IKZF1: variants seen among roughly 807,000 people sequenced by gnomAD.
IKZF1 encodes DNA-binding protein Ikaros.
IKZF1 carries 10 observed loss-of-function variants against 51.7 expected under a neutral mutation model. The ratio of observed to expected loss-of-function variants is 0.19; its 90% confidence interval spans 0.12 to 0.33. The LOEUF is 0.33. IKZF1 is among the 10% of genes least tolerant of loss of function. The pLI, the probability that IKZF1 is intolerant of heterozygous loss-of-function variation, is 1.00. For missense variants in IKZF1, 484 were observed against 707.5 expected (o/e 0.68, Z 3.58); for synonymous variants, 280 against 282.3 (o/e 0.99, Z 0.08).
chr7:50,394,831 C>A (rs1585004774), intron 7 of IKZF1, among the ~76,000 whole-genome samples: 1 of 152,186 alleles, frequency 6.6e-6, no homozygotes, highest in African/African-American at 2.4e-5. Context: ...CATTAAAGAT[C>A]TCCCCCTCTG....
At chr7:50,399,138 A>T (rs1477276195) in intron 7 of IKZF1, among the ~76,000 whole-genome samples, 1 of 152,160 alleles carries the variant, frequency 6.6e-6, no homozygotes, top group African/African-American at 2.4e-5. Flanking sequence ...CATTACTTTT[A>T]AAAAATAACA....
At chr7:50,318,674 A>G (rs1792264083) in intron 1 of IKZF1, 1 of 230,370 alleles carries the variant, frequency 4.3e-6, no homozygotes, top group Non-Finnish European at 8.5e-6. Flanking sequence ...TAAATTAGAA[A>G]GAACATAACT....
chr7:50,325,278 CAA>C lies in IKZF1; in HGVS notation c.41-2343_41-2342del, dbSNP rs71018469. On this transcript the variant is annotated intron_variant, in intron 2 of 7. Coordinates refer to ENST00000331340, the MANE Select transcript of IKZF1 (RefSeq NM_006060.6). ...CCACCCCCCAACCCCCCGCTGCCAC[CAA>C]AAAAAAAAAAAAAAAATTCCTCTGA... Among the ~76,000 whole-genome samples, 391 of 93,610 alleles carry C rather than the reference CAA, an allele frequency of 4.2e-3. 2 individuals are homozygous for C. Among genetic ancestry groups the C allele is most frequent in the Middle Eastern group, 5.5e-3 (1 of 182 alleles). The allele number at this position is 93,610 out of a possible 152,430, so 61.4% of individuals were successfully genotyped here. A position where few individuals can be genotyped will look rare whatever the true frequency, so the allele number is the denominator to read the frequency against.
At chr7:50,341,299 G>A (rs1055385496) in intron 3 of IKZF1, among the ~76,000 whole-genome samples, 4 of 151,942 alleles carry the variant, frequency 2.6e-5, no homozygotes, top group Non-Finnish European at 5.9e-5. Context: ...CCGCCACCAT[G>A]CCCAGCTGAT....
intron 2 of IKZF1, among the ~76,000 whole-genome samples, chr7:50,322,982 AC>A (rs1303127514): frequency 6.6e-6 from 1 of 152,204 alleles, no homozygotes; most frequent in Non-Finnish European, 1.5e-5. Flanking sequence ...GTTTCCATAA[AC>A]ATAAACATAA....
rs756971089 is a variant in IKZF1, at chr7:50,382,726, G to C, written c.589+19G>C. On this transcript the variant is annotated intron_variant, in intron 5 of 7. Transcript: ENST00000331340. ...CACTCCGGTAGGTCCCCTGGATGCA[G>C]TCCGGGGCTGTCTGGGTGTCCCGGG... 1 of 1,592,720 alleles carries C rather than the reference G, an allele frequency of 6.3e-7. No homozygotes were observed. Among genetic ancestry groups the C allele is most frequent in the South Asian group, 1.1e-5 (1 of 89,588 alleles).
chr7:50,394,480 A>T (rs1816115300), intron 7 of IKZF1: 1 of 233,326 alleles, frequency 4.3e-6, no homozygotes. Flanking sequence ...GGTTCAGTTG[A>T]GAGAGCCCCA....
intron 7 of IKZF1, 33 bp downstream of exon 7, chr7:50,391,896 A>C: frequency 3.8e-6 from 6 of 1,590,422 alleles, no homozygotes; most frequent in Non-Finnish European, 5.1e-6. Flanking sequence ...CTCTTAAAAA[A>C]AAACTATGTG....
intron 3 of IKZF1, among the ~76,000 whole-genome samples, chr7:50,348,531 A>G (rs553776770): frequency 6.6e-6 from 1 of 152,334 alleles, no homozygotes; most frequent in Admixed American, 6.5e-5. Context: ...TAGAGCAAGA[A>G]CATAGTGGTT....
At chr7:50,325,732 G>A (rs563505618) in intron 2 of IKZF1, among the ~76,000 whole-genome samples, 57 of 151,508 alleles carry the variant, frequency 3.8e-4, no homozygotes, top group South Asian at 3.1e-3. Context: ...CCAAGATCGC[G>A]CCACTGCACT....
chr7:50,315,743 G>T (rs1791394587), intron 1 of IKZF1, among the ~76,000 whole-genome samples: 1 of 152,168 alleles, frequency 6.6e-6, no homozygotes, highest in African/African-American at 2.4e-5. Context: ...GTGAAAGTTT[G>T]TGAAAACATG....
At chr7:50,331,458 G>C (rs973606696) in intron 3 of IKZF1, among the ~76,000 whole-genome samples, 1 of 151,750 alleles carries the variant, frequency 6.6e-6, no homozygotes, top group Non-Finnish European at 1.5e-5. Flanking sequence ...AAAAAAGTGG[G>C]AAATTATTTG....
At chr7:50,395,441 A>G (rs536500264) in intron 7 of IKZF1, among the ~76,000 whole-genome samples, 1 of 151,606 alleles carries the variant, frequency 6.6e-6, no homozygotes, top group African/African-American at 2.4e-5. Context: ...ACATTAAGAA[A>G]TTTGAATTTT....
At chr7:50,358,837 A>G (rs910850418) in intron 3 of IKZF1, among the ~76,000 whole-genome samples, 3 of 132,630 alleles carry the variant, frequency 2.3e-5, no homozygotes, top group African/African-American at 6.2e-5. Flanking sequence ...AGAGAACTAT[A>G]TATTACAAAG....
intron 3 of IKZF1, among the ~76,000 whole-genome samples, chr7:50,351,298 G>A (rs1345321414): frequency 2.0e-5 from 3 of 152,150 alleles, no homozygotes; most frequent in African/African-American, 7.2e-5. Context: ...GTAAAATCAT[G>A]TCTTAGTAAC....
intron 1 of IKZF1, among the ~76,000 whole-genome samples, chr7:50,306,534 C>T (rs1226979784): frequency 2.0e-5 from 3 of 152,168 alleles, no homozygotes; most frequent in Non-Finnish European, 2.9e-5. Context: ...CAATAATCAC[C>T]CACCCTCAGG....
At chr7:50,367,637 T>TA (rs1317413577) in intron 3 of IKZF1, 1 of 175,830 alleles carries the variant, frequency 5.7e-6, no homozygotes, top group Non-Finnish European at 1.2e-5. Flanking sequence ...TTTGTGGAGA[T>TA]ACGTGCTGTC....
intron 3 of IKZF1, among the ~76,000 whole-genome samples, chr7:50,373,630 C>G (rs1486963163): frequency 6.6e-6 from 1 of 152,154 alleles, no homozygotes; most frequent in Non-Finnish European, 1.5e-5. Flanking sequence ...GTGTTCTAAT[C>G]TCATTTTAAA....
rs959011437 is a variant in IKZF1, at chr7:50,324,253, A to C, written c.41-3385A>C. The stretch of plus-strand genomic sequence containing the variant: ...ACAGAAGATGAGGGGCCCTGGGTAC[A>C]GAGGCTCACGTGAGGGATGAAAGTC... On this transcript the variant is annotated intron_variant, in intron 2 of 7. Transcript: ENST00000331340. 3.9e-5 allele frequency among the ~76,000 whole-genome samples: 6 copies of C among 152,210 alleles called. 1 individual carries two copies. The East Asian group carries it at 1.2e-3, about 29-fold the overall frequency.
Sources: allele counts gnomAD v4.1 joint callset (sites outside exome capture counted in the v4.1 genomes callset), GRCh38; gene constraint gnomAD v4.1.1; transcripts MANE v1.5; gene names NCBI Gene and HGNC (gene_info 2026-07-23, HGNC 2026-07-21).